The following ARHGAP15 variants were observed in gnomAD, a reference collection of about 807,000 sequenced individuals.
ARHGAP15 encodes the protein rho GTPase-activating protein 15.
ARHGAP15 carries 51 observed loss-of-function variants against 63.7 expected under a neutral mutation model. The observed-to-expected ratio is 0.80, with a 90% CI of 0.64 to 1.01. The LOEUF is 1.01. ARHGAP15 is among the 50% of genes least tolerant of loss of function. The probability of loss-of-function intolerance (pLI) is 0.00; values close to 1 mark genes in which losing one functional copy is unlikely to be tolerated. For synonymous variants in ARHGAP15, 191 were observed against 193.8 expected (o/e 0.99, Z 0.12); for missense variants, 560 against 564.6 (o/e 0.99, Z 0.08).
intron 2 of ARHGAP15, among the ~76,000 whole-genome samples, chr2:143,191,270 G>C (rs540637808): frequency 1.3e-5 from 2 of 152,148 alleles, no homozygotes; most frequent in Non-Finnish European, 2.9e-5. Context: ...ATTTCAGTAA[G>C]AGTAGATGTC....
At chr2:143,716,263 C>T (rs183930572) in intron 13 of ARHGAP15, among the ~76,000 whole-genome samples, 79 of 152,288 alleles carry the variant, frequency 5.2e-4, no homozygotes, top group African/African-American at 1.8e-3. Context: ...AAGAGGCTGG[C>T]CACACCAAGG....
intron 13 of ARHGAP15, among the ~76,000 whole-genome samples, chr2:143,747,185 T>A (rs1269138520): frequency 3.3e-5 from 5 of 151,832 alleles, no homozygotes; most frequent in Admixed American, 2.0e-4. Context: ...CACCATGGCA[T>A]ATGTATACCT....
intron 13 of ARHGAP15, among the ~76,000 whole-genome samples, chr2:143,738,035 G>A (rs897968811): frequency 3.3e-5 from 5 of 152,136 alleles, no homozygotes; most frequent in South Asian, 2.1e-4. Context: ...AAACCTGTTC[G>A]TTTACTGCAT....
intron 11 of ARHGAP15, among the ~76,000 whole-genome samples, chr2:143,574,395 G>C (rs2105128311): frequency 6.6e-6 from 1 of 152,192 alleles, no homozygotes; most frequent in Admixed American, 6.6e-5. Context: ...GAATGTTAGA[G>C]TGCCTTGTTT....
intron 13 of ARHGAP15, among the ~76,000 whole-genome samples, chr2:143,764,590 C>A (rs372363618): frequency 6.6e-6 from 1 of 152,110 alleles, no homozygotes; most frequent in Non-Finnish European, 1.5e-5. Flanking sequence ...CCTTTGAGAG[C>A]TGAGTTATCC....
intron 8 of ARHGAP15, among the ~76,000 whole-genome samples, chr2:143,469,207 A>G (rs774350010): frequency 9.2e-5 from 14 of 152,250 alleles, no homozygotes; most frequent in Non-Finnish European, 1.6e-4. Flanking sequence ...CACCTGACAG[A>G]TATATTTTAA....
chr2:143,283,863 T>C (rs1681971894), intron 6 of ARHGAP15, among the ~76,000 whole-genome samples: 1 of 152,176 alleles, frequency 6.6e-6, no homozygotes, highest in South Asian at 2.1e-4. Flanking sequence ...CTTCTTGATA[T>C]CTAATTCCTC....
intron 9 of ARHGAP15, among the ~76,000 whole-genome samples, chr2:143,506,462 T>TTAC (rs1693327538): frequency 1.3e-5 from 2 of 152,084 alleles, no homozygotes; most frequent in African/African-American, 2.4e-5. Flanking sequence ...TTCAGATTAA[T>TTAC]AGTAAGTTAT....
intron 12 of ARHGAP15, among the ~76,000 whole-genome samples, chr2:143,674,905 T>C (rs1226633569): frequency 1.3e-5 from 2 of 152,126 alleles, no homozygotes; most frequent in Non-Finnish European, 2.9e-5. Flanking sequence ...TTGGGGTAAT[T>C]GTGACAATTA....
intron 12 of ARHGAP15, among the ~76,000 whole-genome samples, chr2:143,650,150 A>G (rs1022100589): frequency 3.3e-5 from 5 of 151,790 alleles, no homozygotes; most frequent in Non-Finnish European, 7.4e-5. Flanking sequence ...ATGGATCCTG[A>G]TGGGCTGAGA....
intron 6 of ARHGAP15, among the ~76,000 whole-genome samples, chr2:143,408,567 A>G (rs1688312994): frequency 6.6e-6 from 1 of 151,868 alleles, no homozygotes; most frequent in African/African-American, 2.4e-5. Context: ...TTATGCTAAT[A>G]GTTCTCATAT....
intron 11 of ARHGAP15, among the ~76,000 whole-genome samples, chr2:143,587,019 T>C (rs1243992498): frequency 6.6e-6 from 1 of 152,098 alleles, no homozygotes; most frequent in Non-Finnish European, 1.5e-5. Flanking sequence ...AACTTCCTCT[T>C]TGGCACTGTT....
intron 6 of ARHGAP15, among the ~76,000 whole-genome samples, chr2:143,368,418 G>A (rs761116454): frequency 6.6e-6 from 1 of 152,014 alleles, no homozygotes; most frequent in Non-Finnish European, 1.5e-5. Flanking sequence ...AGGGAGAGAG[G>A]CACGAAAGAA....
chr2:143,302,976 C>CTT (rs1200599147), intron 6 of ARHGAP15, among the ~76,000 whole-genome samples: 4 of 152,024 alleles, frequency 2.6e-5, no homozygotes, highest in Non-Finnish European at 5.9e-5. Context: ...TAATCCCTGG[C>CTT]TTGTCCATTT....
intron 3 of ARHGAP15, among the ~76,000 whole-genome samples, chr2:143,205,092 T>C (rs932537893): frequency 6.6e-6 from 1 of 151,640 alleles, no homozygotes; most frequent in African/African-American, 2.4e-5. Flanking sequence ...TAAAACCCCA[T>C]CTTTACTAAA....
chr2:143,640,505 C>T (rs888037907), intron 12 of ARHGAP15, among the ~76,000 whole-genome samples: 6 of 152,022 alleles, frequency 3.9e-5, no homozygotes, highest in African/African-American at 1.2e-4. Flanking sequence ...ATTATTACTA[C>T]TTAGTTTCCA....
chr2:143,299,943 C>G (rs1682820332), intron 6 of ARHGAP15, among the ~76,000 whole-genome samples: 1 of 151,958 alleles, frequency 6.6e-6, no homozygotes, highest in South Asian at 2.1e-4. Context: ...TATCAACCAA[C>G]AAAGTCTTCA....
At chr2:143,153,815 CTTCTTCTTCTTCTTCTTCTTCTTCT>C (rs1405620092) in intron 1 of ARHGAP15, among the ~76,000 whole-genome samples, 23 of 80,082 alleles carry the variant, frequency 2.9e-4, no homozygotes, top group Admixed American at 7.4e-4. Context: ...TCTTCTTCTT[CTTCTTCTTCTTCTTCTTCTTCTTCT>C]TCTTCCTCCT....
At chr2:143,763,718 ATATG>A (rs987610188) in intron 13 of ARHGAP15, among the ~76,000 whole-genome samples, 24 of 147,188 alleles carry the variant, frequency 1.6e-4, no homozygotes, top group South Asian at 4.2e-4. Flanking sequence ...ATGTGTATGT[ATATG>A]TATGTATATG....
Sources: allele counts gnomAD v4.1 joint callset (sites outside exome capture counted in the v4.1 genomes callset), GRCh38; gene constraint gnomAD v4.1.1; transcripts MANE v1.5; gene names NCBI Gene and HGNC (gene_info 2026-07-23, HGNC 2026-07-21).